CACNA1A: variants seen among roughly 807,000 people sequenced by gnomAD.
The protein encoded by CACNA1A is calcium voltage-gated channel subunit alpha1 A, also known as voltage-dependent P/Q-type calcium channel subunit alpha-1A.
A neutral mutation model predicts 262.4 loss-of-function variants in CACNA1A; 57 were observed. That is an observed-to-expected ratio of 0.22 (90% CI 0.18 to 0.27). The LOEUF (loss-of-function observed/expected upper bound fraction) is 0.27, where lower values mean the gene tolerates loss of function less well. CACNA1A is among the 10% of genes least tolerant of loss of function. The pLI is 1.00. For missense variants in CACNA1A, 2,526 were observed against 3,562.8 expected, an observed-to-expected ratio of 0.71 and a Z score of 7.41; for synonymous variants, 1,431 against 1,419.3, an observed-to-expected ratio of 1.01 and a Z score of -0.18.
At chr19:13,296,560 T>A (rs1247844826) in intron 19 of CACNA1A, among the ~76,000 whole-genome samples, 3 of 152,216 alleles carry the variant, frequency 2.0e-5, no homozygotes, top group Admixed American at 6.5e-5. Flanking sequence ...CTAACATTTT[T>A]ATTTATTTTT....
intron 31 of CACNA1A, among the ~76,000 whole-genome samples, chr19:13,240,697 CTGTG>C (rs771974150): frequency 1.4e-5 from 2 of 147,694 alleles, no homozygotes; most frequent in African/African-American, 5.1e-5. Flanking sequence ...TGTGCAGTGA[CTGTG>C]TGTGCATAGT....
intron 3 of CACNA1A, among the ~76,000 whole-genome samples, chr19:13,387,271 T>G (rs2059631640): frequency 6.6e-6 from 1 of 152,200 alleles, no homozygotes; most frequent in Non-Finnish European, 1.5e-5. Flanking sequence ...TTTTATTTTC[T>G]TAATTGTAGC....
intron 2 of CACNA1A, among the ~76,000 whole-genome samples, chr19:13,453,848 C>G (rs1388108642): frequency 2.6e-5 from 4 of 152,114 alleles, no homozygotes; most frequent in Admixed American, 2.6e-4. Flanking sequence ...GGTACTTCTA[C>G]TTGCTTACCA....
At chr19:13,358,368 C>A (rs1193208874) in intron 6 of CACNA1A, among the ~76,000 whole-genome samples, 1 of 152,198 alleles carries the variant, frequency 6.6e-6, no homozygotes, top group Non-Finnish European at 1.5e-5. Context: ...GAGTTCCAGA[C>A]CTGCCTGGGC....
chr19:13,207,159 TG>T lies in CACNA1A; in HGVS notation c.*153del. ...CGAGGGTCTCTGCGGGACACCCTTG[TG>T]GCCCAGCCCTGGCCTCTCCAGAGTC... On this transcript the variant is annotated 3_prime_UTR_variant, in exon 47 of 47. Coordinates refer to ENST00000360228, the MANE Select transcript of CACNA1A (RefSeq NM_001127222.2). This position sits in a 1 kb window ranked among gnomAD's most constrained non-coding sequence, Gnocchi z 5.7. The T allele has an allele frequency of 1.2e-6, 1 of 822,464 alleles. No individual in the cohort carries two copies. The highest frequency in any genetic ancestry group is 1.7e-6 in the Non-Finnish European group (1 of 574,072). 50.9% of individuals were successfully genotyped at this position (822,464 alleles called of 1,614,324 possible).
intron 1 of CACNA1A, among the ~76,000 whole-genome samples, chr19:13,490,742 A>G (rs1433333608): frequency 1.3e-5 from 2 of 150,494 alleles, no homozygotes; most frequent in Non-Finnish European, 3.0e-5. Flanking sequence ...AGAGAAAAGA[A>G]AGAAAGAAAA....
intron 1 of CACNA1A, among the ~76,000 whole-genome samples, chr19:13,471,872 G>A (rs551494763): frequency 2.0e-5 from 3 of 152,166 alleles, no homozygotes; most frequent in African/African-American, 7.2e-5. Flanking sequence ...CTAGAAAGAG[G>A]TGGAGGTTGT....
Position 13,207,585 on chromosome 19 carries a change from C to T in CACNA1A, c.7249G>A (p.Glu2417Lys), listed in dbSNP as rs1008881855. 6 of 1,479,704 alleles carry T rather than the reference C, an allele frequency of 4.1e-6. No individual in the cohort carries two copies. The highest frequency in any genetic ancestry group is 3.0e-5 in the African/African-American group (2 of 67,732). 91.7% of individuals were successfully genotyped at this position (1,479,704 alleles called of 1,614,324 possible). Residue 2417 changes from glutamate (E) to lysine (K), a missense_variant, in exon 47 of 47, where the codon GAG becomes AAG. This residue lies in a region of CACNA1A where 929 missense variants were observed against 868.1 expected (regional missense o/e 1.07). Transcript: ENST00000360228. The surrounding 1 kb of genome is among the most constrained non-coding windows in gnomAD (Gnocchi z 5.7). ...HGYYRGSDYD[E>K]ADGPGSGGGE... ...CCCCCGCTGCCCGGGCCATCGGCCT[C>T]GTCGTAGTCGGAGCCCCGGTAGTAG...
rs537993156 is a variant in CACNA1A at position 13,309,169 on chromosome 19, C to T, written c.1669-641G>A. Among the ~76,000 whole-genome samples the T allele has an allele frequency of 1.1e-3, 171 of 151,962 alleles. 1 individual carries two copies. The highest frequency in any genetic ancestry group is 3.8e-3 in the African/African-American group (156 of 41,464). ...GATTACAGGCACCCGCCACCACGCC[C>T]GGCTAATTTTTTGTATTTTTAGTAG... On this transcript the variant is annotated intron_variant, in intron 12 of 46. Coordinates refer to ENST00000360228, the MANE Select transcript of CACNA1A (RefSeq NM_001127222.2).
chr19:13,280,337 G>A (rs1316265308), intron 22 of CACNA1A, among the ~76,000 whole-genome samples: 7 of 150,412 alleles, frequency 4.7e-5, no homozygotes, highest in African/African-American at 9.8e-5. Flanking sequence ...CACCACGCTC[G>A]GTTAATTAAA....
chr19:13,233,641 C>A (rs1375072238), intron 34 of CACNA1A, among the ~76,000 whole-genome samples: 1 of 152,098 alleles, frequency 6.6e-6, no homozygotes. Flanking sequence ...GTGTGTGGCA[C>A]TATGCCCAGT....
At chr19:13,432,103 C>CAAAAAAAAAAAAAAAAA (rs71170513) in intron 3 of CACNA1A, among the ~76,000 whole-genome samples, 15 of 64,398 alleles carry the variant, frequency 2.3e-4, no homozygotes, top group African/African-American at 9.3e-4. Flanking sequence ...GACTCCGTCT[C>CAAAAAAAAAAAAAAAAA]AAAAAAAAAA....
At chr19:13,393,149 A>G (rs1162170222) in intron 3 of CACNA1A, among the ~76,000 whole-genome samples, 1 of 152,220 alleles carries the variant, frequency 6.6e-6, no homozygotes, top group African/African-American at 2.4e-5. Context: ...TATCTCCCAT[A>G]GAAATATGAA....
intron 19 of CACNA1A, among the ~76,000 whole-genome samples, chr19:13,289,990 A>G (rs1047894519): frequency 6.6e-6 from 1 of 151,032 alleles, no homozygotes; most frequent in Non-Finnish European, 1.5e-5. Context: ...AGTGTAATGC[A>G]CGATCTCGGC....
At chr19:13,457,015 C>G (rs377713348) in intron 1 of CACNA1A, among the ~76,000 whole-genome samples, 9 of 151,928 alleles carry the variant, frequency 5.9e-5, no homozygotes, top group Non-Finnish European at 1.3e-4. Context: ...TTTGGGAGGC[C>G]GAGGTAGGAG....
chr19:13,368,692 G>C (rs964615388), intron 4 of CACNA1A, among the ~76,000 whole-genome samples: 1 of 152,134 alleles, frequency 6.6e-6, no homozygotes, highest in African/African-American at 2.4e-5. Flanking sequence ...GTAAGAGAGG[G>C]AAGCTGTCAG....
intron 3 of CACNA1A, among the ~76,000 whole-genome samples, chr19:13,407,641 T>A (rs996282655): frequency 1.3e-5 from 2 of 152,234 alleles, no homozygotes; most frequent in Admixed American, 6.5e-5. Context: ...TTCTTGTTGA[T>A]GGAGACGTCC....
intron 10 of CACNA1A, among the ~76,000 whole-genome samples, chr19:13,329,156 C>G (rs968238298): frequency 2.0e-5 from 3 of 152,152 alleles, no homozygotes; most frequent in African/African-American, 7.2e-5. Context: ...ATCAATAGGA[C>G]AGAGGAGTGA....
intron 4 of CACNA1A, among the ~76,000 whole-genome samples, chr19:13,367,620 C>T (rs974241641): frequency 2.6e-5 from 4 of 151,414 alleles, no homozygotes; most frequent in Non-Finnish European, 2.9e-5. Context: ...CCTGGCTACT[C>T]GGGAGGCTGA....
Sources: gnomAD v4.1 joint callset for allele counts (sites outside exome capture counted in the v4.1 genomes callset) on GRCh38, gnomAD v4.1.1 for gene constraint, gnomAD v4.1.1 regional missense constraint, Gnocchi (gnomAD v3.1) non-coding constraint, MANE v1.5 for transcripts, NCBI Gene and HGNC (gene_info 2026-07-23, HGNC 2026-07-21) for gene names.